Variants in SDK1 observed in about 807,000 individuals in gnomAD.
SDK1 encodes the protein protein sidekick-1.
A neutral mutation model predicts 245.5 loss-of-function variants in SDK1; 157 were observed. That is an observed-to-expected ratio of 0.64 (90% CI 0.56 to 0.73). The LOEUF is 0.73. Ranked by LOEUF, SDK1 falls within the 30% of genes least tolerant of loss-of-function variation. The pLI, the probability that SDK1 is intolerant of heterozygous loss-of-function variation, is 0.00. For missense variants in SDK1, 3,583 were observed against 3,002.3 expected (o/e 1.19, Z -4.52); for synonymous variants, 1,647 against 1,278.5 (o/e 1.29, Z -6.15).
chr7:4,055,584 T>A (rs1311111095), intron 19 of SDK1, among the ~76,000 whole-genome samples: 1 of 151,956 alleles, frequency 6.6e-6, no homozygotes, highest in East Asian at 1.9e-4. Flanking sequence ...AGAACCAGCC[T>A]CTTGTTCCAG....
At chr7:4,231,757 C>G (rs1008003033) in intron 40 of SDK1, among the ~76,000 whole-genome samples, 1 of 152,170 alleles carries the variant, frequency 6.6e-6, no homozygotes, top group Non-Finnish European at 1.5e-5. Flanking sequence ...GGTGCACATT[C>G]TAAATCCTCT....
intron 5 of SDK1, among the ~76,000 whole-genome samples, chr7:3,934,495 T>G (rs1479008739): frequency 6.6e-6 from 1 of 152,264 alleles, no homozygotes; most frequent in Admixed American, 6.5e-5. Context: ...CCTGCCTTTC[T>G]GAAAATGTGC....
chr7:3,781,276 A>G (rs902809577), intron 4 of SDK1, among the ~76,000 whole-genome samples: 5 of 152,080 alleles, frequency 3.3e-5, no homozygotes, highest in East Asian at 1.9e-4. Flanking sequence ...TTAGCCAGCA[A>G]TCTCATCAAA....
At chr7:3,658,196 C>T (rs1783247875) in intron 4 of SDK1, among the ~76,000 whole-genome samples, 1 of 152,214 alleles carries the variant, frequency 6.6e-6, no homozygotes, top group South Asian at 2.1e-4. Context: ...CTTTGTGAAT[C>T]ATGAACTGTC....
chr7:3,730,879 C>T (rs1471253375), intron 4 of SDK1, among the ~76,000 whole-genome samples: 2 of 152,106 alleles, frequency 1.3e-5, no homozygotes, highest in Non-Finnish European at 2.9e-5. Context: ...ACTAGAGACC[C>T]TTTTGCATCT....
intron 5 of SDK1, among the ~76,000 whole-genome samples, chr7:3,913,226 G>A (rs933993137): frequency 1.3e-5 from 2 of 152,046 alleles, no homozygotes; most frequent in Non-Finnish European, 2.9e-5. Flanking sequence ...TTCTCTAGAT[G>A]GCTCCCGGTC....
At chr7:3,544,224 A>G (rs1779145376) in intron 1 of SDK1, among the ~76,000 whole-genome samples, 1 of 152,232 alleles carries the variant, frequency 6.6e-6, no homozygotes, top group Non-Finnish European at 1.5e-5. Flanking sequence ...CCCAAAGACC[A>G]TATGTATCCA....
At chr7:3,869,826 A>C (rs1004064896) in intron 5 of SDK1, among the ~76,000 whole-genome samples, 1 of 152,214 alleles carries the variant, frequency 6.6e-6, no homozygotes, top group Admixed American at 6.5e-5. Flanking sequence ...TTAAAAACCA[A>C]CCTAACACGT....
chr7:4,227,595 C>T (rs1341233288), intron 40 of SDK1, among the ~76,000 whole-genome samples: 1 of 152,160 alleles, frequency 6.6e-6, no homozygotes, highest in East Asian at 1.9e-4. Context: ...GACAGTCAAG[C>T]GGTTGGTTGT....
At chr7:3,925,726 A>G (rs1427840986) in intron 5 of SDK1, among the ~76,000 whole-genome samples, 1 of 152,180 alleles carries the variant, frequency 6.6e-6, no homozygotes, top group Non-Finnish European at 1.5e-5. Context: ...GCCTCATCTC[A>G]GAGGGAAAGA....
chr7:3,962,606 C>A, intron 8 of SDK1, 51 bp from the exon 9 acceptor site: 1 of 1,439,680 alleles, frequency 6.9e-7, no homozygotes, highest in Non-Finnish European at 9.4e-7. Context: ...TGCTTCAGTT[C>A]TCACGTCAGG....
chr7:4,030,830 G>A (rs73673254), intron 17 of SDK1, among the ~76,000 whole-genome samples: 2,571 of 152,174 alleles, frequency 0.017, 72 homozygotes, highest in African/African-American at 0.059. Flanking sequence ...TGTCTCCTCC[G>A]TAGGGCCTCC....
At chr7:3,340,274 G>C (rs1370927056) in intron 1 of SDK1, among the ~76,000 whole-genome samples, 1 of 152,044 alleles carries the variant, frequency 6.6e-6, no homozygotes, top group African/African-American at 2.4e-5. Flanking sequence ...CACAGAAAGT[G>C]GTTTCCCAGT....
chr7:3,441,205 ATATTT>A (rs754390599), intron 1 of SDK1, among the ~76,000 whole-genome samples: 21 of 152,162 alleles, frequency 1.4e-4, no homozygotes, highest in East Asian at 3.8e-4. Context: ...GTTATTGTTA[ATATTT>A]TATTTTATGA....
At chr7:4,250,587 C>T (rs540135589) in intron 44 of SDK1, among the ~76,000 whole-genome samples, 6 of 152,212 alleles carry the variant, frequency 3.9e-5, no homozygotes, top group East Asian at 3.9e-4. Context: ...TCAAGTGATC[C>T]GCCCACCTCG....
chr7:3,421,072 A>T (rs890784773), intron 1 of SDK1, among the ~76,000 whole-genome samples: 3 of 149,986 alleles, frequency 2.0e-5, no homozygotes, highest in African/African-American at 4.9e-5. Flanking sequence ...TTTTTTTTTT[A>T]ACAGCAAATC....
At chr7:3,593,539 G>A (rs1391031467) in intron 1 of SDK1, among the ~76,000 whole-genome samples, 2 of 152,232 alleles carry the variant, frequency 1.3e-5, no homozygotes, top group Non-Finnish European at 2.9e-5. Context: ...CAAGATGTTT[G>A]TCTTTCCTAT....
chr7:3,317,755 C>G (rs1237680662), intron 1 of SDK1, among the ~76,000 whole-genome samples: 6 of 152,144 alleles, frequency 3.9e-5, no homozygotes, highest in Admixed American at 2.0e-4. Flanking sequence ...CAGGTGAAAA[C>G]ATCTCAAAAG....
At chr7:3,364,297 G>C (rs1781030314) in intron 1 of SDK1, among the ~76,000 whole-genome samples, 1 of 152,160 alleles carries the variant, frequency 6.6e-6, no homozygotes, top group Non-Finnish European at 1.5e-5. Flanking sequence ...GATGAAGTCA[G>C]ATTGATAAGT....
Sources: gnomAD v4.1 joint callset for allele counts (sites outside exome capture counted in the v4.1 genomes callset) on GRCh38, gnomAD v4.1.1 for gene constraint, MANE v1.5 for transcripts, NCBI Gene and HGNC (gene_info 2026-07-23, HGNC 2026-07-21) for gene names.